Variants in MDH1B observed in about 807,000 individuals in gnomAD.
MDH1B encodes putative malate dehydrogenase 1B.
MDH1B carries 60 observed loss-of-function variants against 61.4 expected under a neutral mutation model. The ratio of observed to expected loss-of-function variants is 0.98; its 90% CI spans 0.79 to 1.21. MDH1B has a LOEUF of 1.21. MDH1B is among the 50% of genes most tolerant of loss of function. MDH1B has a pLI of 0.00. For missense variants in MDH1B, 587 were observed against 632.1 expected (o/e 0.93, Z 0.76); for synonymous variants, 236 against 218.7 (o/e 1.08, Z -0.70).
rs994862452 is a variant in MDH1B, at chr2:206,750,819, T to G, written c.1052+115A>C. On this transcript the variant is annotated intron_variant, in intron 6 of 11. Transcript: ENST00000374412. ...AGTAGACAGCATGAACAAATATGAG[T>G]GTGAACAATGCAAGTTATTTTTGTA... 14 of 862,820 alleles carry G rather than the reference T, an allele frequency of 1.6e-5. No individual in the cohort carries two copies. The African/African-American group carries it at 2.4e-4, about 15-fold the overall frequency. 53.4% of individuals were successfully genotyped at this position (862,820 alleles called of 1,614,324 possible).
chr2:206,757,691 TA>T (rs1199795619), intron 2 of MDH1B, among the ~76,000 whole-genome samples: 1 of 152,186 alleles, frequency 6.6e-6, no homozygotes, highest in African/African-American at 2.4e-5. Context: ...AACTGATTTT[TA>T]AAAAAATTCA....
rs1370719987 is a variant in MDH1B at position 206,757,352 on chromosome 2, C to G, written c.155G>C (p.Cys52Ser). The change falls in exon 3 of 12, where the codon TGT (cysteine) becomes TCT (serine). Residue 52 changes from cysteine (C) to serine (S), a missense_variant. Cys to Ser is a moderately radical substitution (Grantham distance 112). Transcript: ENST00000374412. ...CTTGTGACTCCACTTATTCTTTTCA[C>G]ACACATCTTTTAGCCAATCCTGTTG... ...EVWEDWLKDV[C>S]EKNKWSHKNS... 10 of 1,613,618 alleles carry G rather than the reference C, an allele frequency of 6.2e-6. No homozygotes were observed. Among genetic ancestry groups the G allele is most frequent in the Non-Finnish European group, 8.5e-6 (10 of 1,179,880 alleles).
At chr2:206,738,676 T>C (rs1226925945) in intron 11 of MDH1B, among the ~76,000 whole-genome samples, 165 bp from the exon 12 acceptor site, 1 of 152,184 alleles carries the variant, frequency 6.6e-6, no homozygotes, top group Non-Finnish European at 1.5e-5. Context: ...CATGAGATCA[T>C]AGTTAGGTAT....
At chr2:206,750,608 CA>C (rs1688380780) in intron 6 of MDH1B, among the ~76,000 whole-genome samples, 1 of 151,892 alleles carries the variant, frequency 6.6e-6, no homozygotes, top group Non-Finnish European at 1.5e-5. Flanking sequence ...GAAAACGTTT[CA>C]ATTAATTTCA....
At chr2:206,761,128 CAT>C (rs941809402) in intron 1 of MDH1B, 115 bp from the exon 2 acceptor site, 22 of 557,936 alleles carry the variant, frequency 3.9e-5, no homozygotes, top group Non-Finnish European at 6.5e-5. Context: ...AATTTGATAA[CAT>C]AAAGTTGCAG....
chr2:206,744,800 C>G (rs1688002915), intron 9 of MDH1B, among the ~76,000 whole-genome samples: 1 of 151,962 alleles, frequency 6.6e-6, no homozygotes, highest in African/African-American at 2.4e-5. Context: ...TGGTGTGCAC[C>G]TGTAGTTCCA....
intron 5 of MDH1B, among the ~76,000 whole-genome samples, chr2:206,753,898 C>T (rs1245234880): frequency 6.6e-6 from 1 of 150,490 alleles, no homozygotes; most frequent in African/African-American, 2.4e-5. Context: ...CACACATACA[C>T]CTTGTTTTAG....
intron 1 of MDH1B, 52 bp from the exon 2 acceptor site, chr2:206,761,065 T>C (rs370976096): frequency 3.0e-4 from 292 of 985,982 alleles, no homozygotes; most frequent in Middle Eastern, 4.3e-4. Flanking sequence ...GAAATTATTA[T>C]GTAGTTCTAA....
At chr2:206,756,720 G>T in intron 4 of MDH1B, 178 bp downstream of exon 4, 1 of 626,836 alleles carries the variant, frequency 1.6e-6, no homozygotes, top group South Asian at 2.1e-5. Flanking sequence ...TTATATGGAG[G>T]ATACAAACAC....
intron 5 of MDH1B, among the ~76,000 whole-genome samples, chr2:206,754,578 C>T (rs954290696): frequency 3.9e-5 from 6 of 152,276 alleles, no homozygotes; most frequent in East Asian, 3.9e-4. Context: ...GCACTGTTAA[C>T]GTCCTCATTT....
At chr2:206,745,301 T>G (rs1688044336) in intron 9 of MDH1B, 4 of 488,270 alleles carry the variant, frequency 8.2e-6, no homozygotes, top group Admixed American at 7.0e-5. Flanking sequence ...TCTAGTCTCC[T>G]GAGCTGTGAA....
intron 5 of MDH1B, among the ~76,000 whole-genome samples, chr2:206,752,358 G>C (rs1484793698): frequency 6.6e-6 from 1 of 152,218 alleles, no homozygotes; most frequent in East Asian, 1.9e-4. Flanking sequence ...ATAGTAGAGA[G>C]AGGCTAGCAG....
chr2:206,745,551 A>T, intron 9 of MDH1B, 71 bp downstream of exon 9: 1 of 1,119,170 alleles, frequency 8.9e-7, no homozygotes, highest in African/African-American at 1.6e-5. Flanking sequence ...ATTAACAGTG[A>T]TTCAGTTATA....
intron 2 of MDH1B, among the ~76,000 whole-genome samples, chr2:206,758,656 C>T (rs1175787708): frequency 1.3e-5 from 2 of 152,042 alleles, no homozygotes; most frequent in African/African-American, 4.8e-5. Context: ...ATCCCAGCTA[C>T]TCAGGAGGCT....
chr2:206,743,804 A>T (rs1687942950), intron 9 of MDH1B, among the ~76,000 whole-genome samples: 2 of 152,086 alleles, frequency 1.3e-5, no homozygotes, highest in Non-Finnish European at 2.9e-5. Flanking sequence ...TATCAATAGT[A>T]AATCTGCCCA....
intron 1 of MDH1B, 46 bp from the exon 2 acceptor site, chr2:206,761,059 T>G (rs1415109022): frequency 1.9e-6 from 2 of 1,033,896 alleles, no homozygotes; most frequent in Non-Finnish European, 3.0e-6. Flanking sequence ...CATGCAGAAA[T>G]TATTATGTAG....
intron 7 of MDH1B, among the ~76,000 whole-genome samples, chr2:206,748,749 G>T (rs1688267511): frequency 6.6e-6 from 1 of 152,226 alleles, no homozygotes. Context: ...ACATGATTTT[G>T]TTTATGTATC....
intron 7 of MDH1B, among the ~76,000 whole-genome samples, chr2:206,747,993 CT>C (rs1215071975): frequency 1.3e-5 from 2 of 152,266 alleles, no homozygotes; most frequent in South Asian, 2.1e-4. Context: ...AATTAGCTTG[CT>C]AAGGGAGAAA....
At position 206,749,036 on chromosome 2, in the gene MDH1B, T is replaced by C. The variant is rs748348246; in HGVS notation, c.1200A>G (p.Leu400=). 1 of 1,613,728 alleles carries C rather than the reference T, an allele frequency of 6.2e-7. No individual in the cohort carries two copies. Among genetic ancestry groups the C allele is most frequent in the South Asian group, 1.1e-5 (1 of 90,914 alleles). Residue 400 remains leucine (L), a synonymous_variant, in exon 7 of 12, where the codon TTA becomes TTG. Coordinates refer to ENST00000374412, the MANE Select transcript of MDH1B (RefSeq NM_001039845.3). ...CAGATTTACCTTCACTCAATATTCCTAAAGATACAATCTCCCCAGGTGGTG... is the reference window on the plus strand; with the variant it reads ...CAGATTTACCTTCACTCAATATTCCCAAAGATACAATCTCCCCAGGTGGTG... The part of the protein sequence containing the change: ...HGSPPGEIVS[L]GILSEGQFGI...
Sources: gnomAD v4.1 joint callset for allele counts (sites outside exome capture counted in the v4.1 genomes callset) on GRCh38, gnomAD v4.1.1 for gene constraint, MANE v1.5 for transcripts, NCBI Gene and HGNC (gene_info 2026-07-23, HGNC 2026-07-21) for gene names.